Variants in CCDC171 observed in about 807,000 individuals in gnomAD.
The protein encoded by CCDC171 is coiled-coil domain containing 171.
A neutral mutation model predicts 168.2 loss-of-function variants in CCDC171; 177 were observed. The ratio of observed to expected loss-of-function variants is 1.05; its 90% CI spans 0.93 to 1.19. The LOEUF (loss-of-function observed/expected upper bound fraction) is 1.19, where lower values mean the gene tolerates loss of function less well. CCDC171 is among the 50% of genes most tolerant of loss of function. The pLI is 0.00. For missense variants in CCDC171, 1,991 were observed against 1,539.0 expected, an observed-to-expected ratio of 1.29 and a Z score of -4.91; for synonymous variants, 687 against 540.8, an observed-to-expected ratio of 1.27 and a Z score of -3.75.
chr9:15,666,286 A>T lies in CCDC171; in HGVS notation c.1039A>T (p.Lys347Ter). 3.7e-6 allele frequency: 6 copies of T among 1,613,692 alleles called. No homozygotes were observed. The highest frequency in any genetic ancestry group is 5.1e-6 in the Non-Finnish European group (6 of 1,179,672). The change falls in exon 9 of 26, where the codon AAG becomes TAG. Residue 347 changes from lysine (K) to a stop codon, truncating the protein, a stop_gained. Coordinates refer to ENST00000380701, the MANE Select transcript of CCDC171 (RefSeq NM_173550.4). LOFTEE classifies it high-confidence loss of function. Reference sequence around the variant, plus strand: ...AGTTGAAAGTGCATATGAGCGAGAAAAGCATAATGCACAAGAGAGCTTTGC... The same window carrying T: ...AGTTGAAAGTGCATATGAGCGAGAATAGCATAATGCACAAGAGAGCTTTGC... The part of the protein sequence containing the change: ...KEVESAYERE[K>*]HNAQESFAKL...
At chr9:15,824,662 G>A (rs1046019030) in intron 21 of CCDC171, among the ~76,000 whole-genome samples, 3 of 152,040 alleles carry the variant, frequency 2.0e-5, no homozygotes, top group African/African-American at 7.2e-5. Context: ...CGTATATACA[G>A]GAAGCTGGCT....
At chr9:16,007,733 G>A (rs1000153583) in intron 3 of CCDC171, among the ~76,000 whole-genome samples, 5 of 152,206 alleles carry the variant, frequency 3.3e-5, no homozygotes, top group Admixed American at 1.3e-4. Flanking sequence ...TCAAAGATCA[G>A]CTGGTTGTAG....
chr9:15,653,995 A>G (rs931952079), intron 7 of CCDC171, among the ~76,000 whole-genome samples: 1 of 152,132 alleles, frequency 6.6e-6, no homozygotes, highest in African/African-American at 2.4e-5. Flanking sequence ...AAATGTCCTC[A>G]TTTCTTGGTT....
chr9:16,058,523 G>C (rs1016309089), intron 1 of CCDC171, among the ~76,000 whole-genome samples: 1 of 152,250 alleles, frequency 6.6e-6, no homozygotes, highest in African/African-American at 2.4e-5. Flanking sequence ...CTGGTTCTCA[G>C]AGGAGGAGAT....
At chr9:16,100,569 G>A in the CCDC171 span, among the ~76,000 whole-genome samples, 1 of 152,224 alleles carries the variant, frequency 6.6e-6, no homozygotes, top group East Asian at 1.9e-4. Flanking sequence ...GGCCACTTGA[G>A]TGTCCAAATA....
At chr9:15,839,166 G>A (rs1205033262) in intron 21 of CCDC171, among the ~76,000 whole-genome samples, 6 of 152,104 alleles carry the variant, frequency 3.9e-5, no homozygotes, top group African/African-American at 1.4e-4. Flanking sequence ...TCACACAAGG[G>A]ATCTTGAGTT....
intron 21 of CCDC171, among the ~76,000 whole-genome samples, chr9:15,833,287 C>T (rs758139500): frequency 1.3e-4 from 20 of 152,196 alleles, no homozygotes; most frequent in Non-Finnish European, 1.9e-4. Context: ...CCACCACACC[C>T]GGCCTCATTA....
intron 21 of CCDC171, among the ~76,000 whole-genome samples, chr9:15,799,293 T>C (rs1209863913): frequency 6.6e-6 from 1 of 151,220 alleles, no homozygotes; most frequent in Non-Finnish European, 1.5e-5. Flanking sequence ...GTGTTCAGTA[T>C]AGATGTCTGT....
rs1214974082 is a variant in CCDC171 at position 15,818,280 on chromosome 9, C to T, written c.3268-28422C>T. ...CAGAAATACTGGAAACTGTAAAAAA[C>T]AGAGTGCCTCTCCTCCTCCAAAGGA... On this transcript the variant is annotated intron_variant, in intron 21 of 25. Coordinates refer to ENST00000380701, the MANE Select transcript of CCDC171 (RefSeq NM_173550.4). 1.7e-5 allele frequency among the ~76,000 whole-genome samples: 2 copies of T among 117,580 alleles called. 1 individual carries two copies. The highest frequency in any genetic ancestry group is 3.8e-5 in the Non-Finnish European group (2 of 52,358). The allele number at this position is 117,580 out of a possible 152,430, so 77.1% of individuals were successfully genotyped here.
the CCDC171 span, among the ~76,000 whole-genome samples, chr9:16,102,438 G>A: frequency 7.3e-6 from 1 of 137,906 alleles, no homozygotes; most frequent in African/African-American, 2.6e-5. Flanking sequence ...GTTCATTATG[G>A]ATCTGAAGCT....
At chr9:15,585,626 T>A (rs1017102842) in intron 4 of CCDC171, among the ~76,000 whole-genome samples, 8 of 152,078 alleles carry the variant, frequency 5.3e-5, no homozygotes, top group African/African-American at 1.9e-4. Context: ...GAGGGTACTT[T>A]TTGGGTTGAA....
At chr9:15,898,556 G>A (rs952771225) in intron 24 of CCDC171, among the ~76,000 whole-genome samples, 2 of 152,022 alleles carry the variant, frequency 1.3e-5, no homozygotes, top group Non-Finnish European at 2.9e-5. Context: ...GCCTTTGCCC[G>A]CTAAATCAGT....
intron 25 of CCDC171, among the ~76,000 whole-genome samples, chr9:15,970,634 A>G (rs1054437853): frequency 6.6e-6 from 1 of 152,200 alleles, no homozygotes; most frequent in Non-Finnish European, 1.5e-5. Flanking sequence ...TTAAAGGAGC[A>G]GCTTTATCGA....
chr9:15,748,190 C>T (rs114935359), intron 18 of CCDC171, among the ~76,000 whole-genome samples: 2,683 of 152,092 alleles, frequency 0.018, 95 homozygotes, highest in African/African-American at 0.061. Flanking sequence ...CAAGCTTCAG[C>T]AGCAGATTTG....
At chr9:15,618,181 C>A (rs1417143730) in intron 6 of CCDC171, among the ~76,000 whole-genome samples, 1 of 152,162 alleles carries the variant, frequency 6.6e-6, no homozygotes, top group Non-Finnish European at 1.5e-5. Context: ...TCTGTAAGCT[C>A]CTGACTGAAC....
At chr9:15,886,475 G>C (rs1819412648) in intron 24 of CCDC171, 1 of 152,116 alleles carries the variant, frequency 6.6e-6, no homozygotes, top group African/African-American at 2.4e-5. Flanking sequence ...ACAAGTGTTG[G>C]CAAGGATGTA....
At chr9:15,679,051 A>T (rs931398637) in intron 10 of CCDC171, among the ~76,000 whole-genome samples, 155 bp downstream of exon 10, 1 of 152,244 alleles carries the variant, frequency 6.6e-6, no homozygotes, top group Non-Finnish European at 1.5e-5. Flanking sequence ...AATGCTGATT[A>T]CATCAAAGAT....
chr9:15,916,103 G>T (rs1824463465), intron 24 of CCDC171, among the ~76,000 whole-genome samples: 3 of 151,814 alleles, frequency 2.0e-5, no homozygotes, highest in South Asian at 4.2e-4. Flanking sequence ...TTATCAAAGA[G>T]AAATAAATAT....
intron 23 of CCDC171, among the ~76,000 whole-genome samples, chr9:15,859,536 A>C (rs965633097): frequency 2.0e-5 from 3 of 151,916 alleles, no homozygotes; most frequent in African/African-American, 7.3e-5. Context: ...TTGTCAGAAG[A>C]TTTTTGATTA....
Sources: allele counts gnomAD v4.1 joint callset (sites outside exome capture counted in the v4.1 genomes callset), GRCh38; gene constraint gnomAD v4.1.1; transcripts MANE v1.5; gene names NCBI Gene and HGNC (gene_info 2026-07-23, HGNC 2026-07-21).